Variants in DENND1B observed in about 807,000 individuals in gnomAD.
The protein encoded by DENND1B is DENN domain containing 1B, also known as DENN domain-containing protein 1B.
DENND1B carries 59 observed loss-of-function variants against 90.1 expected under a neutral mutation model. The observed-to-expected ratio is 0.65, with a 90% CI of 0.53 to 0.81. The LOEUF is 0.81. DENND1B is among the 40% of genes least tolerant of loss of function. DENND1B has a pLI of 0.00. For missense variants in DENND1B, 862 were observed against 912.6 expected (o/e 0.94, Z 0.71); for synonymous variants, 337 against 324.6 (o/e 1.04, Z -0.41).
At chr1:197,539,592 A>G (rs1670178500) in intron 20 of DENND1B, among the ~76,000 whole-genome samples, 1 of 152,232 alleles carries the variant, frequency 6.6e-6, no homozygotes, top group Non-Finnish European at 1.5e-5. Context: ...ATTTCTATAG[A>G]CTATTTTAAT....
intron 15 of DENND1B, among the ~76,000 whole-genome samples, chr1:197,563,178 T>C (rs191727261): frequency 5.3e-5 from 8 of 152,112 alleles, no homozygotes; most frequent in Non-Finnish European, 4.4e-5. Flanking sequence ...AGATTATTGA[T>C]GAAAGTGGCT....
chr1:197,754,659 CAAAAAAAAAAAAAA>C (rs57926782), intron 2 of DENND1B, among the ~76,000 whole-genome samples: 4 of 72,880 alleles, frequency 5.5e-5, no homozygotes, highest in Middle Eastern at 0.023. Flanking sequence ...GACTCTGTCT[CAAAAAAAAAAAAAA>C]AAAAAAAAAA....
chr1:197,567,051 G>T (rs1294291225), intron 15 of DENND1B, among the ~76,000 whole-genome samples: 1 of 151,872 alleles, frequency 6.6e-6, no homozygotes, highest in Non-Finnish European at 1.5e-5. Context: ...AAACTAGAAA[G>T]GCAATAGAAA....
intron 20 of DENND1B, among the ~76,000 whole-genome samples, chr1:197,516,560 A>G (rs1017916174): frequency 6.6e-6 from 1 of 151,806 alleles, no homozygotes; most frequent in Non-Finnish European, 1.5e-5. Context: ...TCTGAAGCAC[A>G]GTGCTTTCAG....
chr1:197,658,324 A>G lies in DENND1B; in HGVS notation c.342T>C (p.Leu114=). 2 of 1,610,850 alleles carry G rather than the reference A, an allele frequency of 1.2e-6. No individual in the cohort carries two copies. Among genetic ancestry groups the G allele is most frequent in the Non-Finnish European group, 1.7e-6 (2 of 1,178,166 alleles). The change falls in exon 6 of 23, where the codon CTT becomes CTC. Residue 114 remains leucine, a synonymous_variant. Coordinates refer to ENST00000620048, the MANE Select transcript of DENND1B (RefSeq NM_001195215.2). ...CCAGTTCCTTAGCCAAGTAATCTGC[A>G]AGAGTATTTAGAAGCTTGTAATACA... ...FEVYYKLLNT[L]ADYLAKELEN...
At chr1:197,634,606 T>C (rs1679611835) in intron 10 of DENND1B, among the ~76,000 whole-genome samples, 1 of 152,166 alleles carries the variant, frequency 6.6e-6, no homozygotes, top group Non-Finnish European at 1.5e-5. Flanking sequence ...CCTAAGGCAT[T>C]ACTGTTTTGG....
At chr1:197,613,420 C>A (rs978640089) in intron 11 of DENND1B, among the ~76,000 whole-genome samples, 4 of 150,350 alleles carry the variant, frequency 2.7e-5, no homozygotes, top group Non-Finnish European at 6.0e-5. Context: ...TTTGTTCCTT[C>A]CTATTTTTTT....
chr1:197,741,805 C>T (rs1302838733), intron 2 of DENND1B, among the ~76,000 whole-genome samples: 2 of 152,036 alleles, frequency 1.3e-5, no homozygotes, highest in Non-Finnish European at 1.5e-5. Flanking sequence ...AACGTGGCAA[C>T]CCACACCTAT....
At position 197,671,984 on chromosome 1, in the gene DENND1B, T is replaced by A. The variant is rs77996523; in HGVS notation, c.296+53A>T. The stretch of plus-strand genomic sequence containing the variant: ...TCATCCCAAGCATAACAAAGTACAA[T>A]AGAGAGATAGTTACCTATTTTGCAT... On this transcript the variant is annotated intron_variant, in intron 5 of 22. Transcript: ENST00000620048. 4.6e-3 allele frequency: 7,269 copies of A among 1,573,028 alleles called. 268 individuals are homozygous for A. In the African/African-American group the frequency reaches 0.083, roughly 18 times the overall value.
chr1:197,577,668 G>C (rs1452489596), intron 15 of DENND1B, among the ~76,000 whole-genome samples: 1 of 152,180 alleles, frequency 6.6e-6, no homozygotes, highest in Non-Finnish European at 1.5e-5. Flanking sequence ...AATGGCTTAA[G>C]TCTTTGTAAA....
intron 13 of DENND1B, chr1:197,605,530 A>G (rs1213957331): frequency 6.6e-6 from 1 of 151,018 alleles, no homozygotes; most frequent in African/African-American, 2.4e-5. Flanking sequence ...TAAGGCATTA[A>G]CGGTAGGAAG....
intron 18 of DENND1B, among the ~76,000 whole-genome samples, chr1:197,545,350 A>G (rs1013290285): frequency 2.0e-4 from 31 of 152,054 alleles, no homozygotes; most frequent in African/African-American, 7.0e-4. Context: ...GGTTACAGTG[A>G]GCCGAGATCG....
intron 10 of DENND1B, 97 bp from the exon 11 acceptor site, chr1:197,617,856 C>T (rs1003772524): frequency 1.3e-6 from 1 of 793,152 alleles, no homozygotes. Context: ...AATCACAGAA[C>T]AATTTACATA....
chr1:197,751,529 T>C (rs1249158822), intron 2 of DENND1B, among the ~76,000 whole-genome samples: 1 of 151,754 alleles, frequency 6.6e-6, no homozygotes, highest in East Asian at 1.9e-4. Flanking sequence ...CTAGAAAAAA[T>C]TAAATCCAAA....
chr1:197,538,174 C>T (rs939756476), intron 20 of DENND1B, among the ~76,000 whole-genome samples: 10 of 152,068 alleles, frequency 6.6e-5, no homozygotes, highest in East Asian at 1.9e-4. Flanking sequence ...ATCTCATATT[C>T]GTTTTCACAG....
intron 5 of DENND1B, among the ~76,000 whole-genome samples, chr1:197,662,113 C>T (rs1229821680): frequency 1.3e-5 from 2 of 152,114 alleles, no homozygotes; most frequent in Non-Finnish European, 2.9e-5. Context: ...ATGACTTCAT[C>T]TATAAATTAA....
At chr1:197,682,579 T>C (rs1262126612) in intron 3 of DENND1B, among the ~76,000 whole-genome samples, 6 of 151,914 alleles carry the variant, frequency 3.9e-5, no homozygotes, top group Non-Finnish European at 7.4e-5. Context: ...AATTGAAAAA[T>C]AGTAGGGACT....
chr1:197,726,525 A>G (rs779167865), intron 2 of DENND1B, among the ~76,000 whole-genome samples: 20 of 152,334 alleles, frequency 1.3e-4, no homozygotes, highest in Non-Finnish European at 2.1e-4. Context: ...AGCACCCACC[A>G]AAGTCAGAAG....
chr1:197,770,698 ATCTAT>A (rs1247078913), intron 2 of DENND1B, among the ~76,000 whole-genome samples: 1 of 143,566 alleles, frequency 7.0e-6, no homozygotes, highest in African/African-American at 2.5e-5. Flanking sequence ...ATAAATATAT[ATCTAT>A]AAATATATAA....
Sources: gnomAD v4.1 joint callset for allele counts (sites outside exome capture counted in the v4.1 genomes callset) on GRCh38, gnomAD v4.1.1 for gene constraint, MANE v1.5 for transcripts, NCBI Gene and HGNC (gene_info 2026-07-23, HGNC 2026-07-21) for gene names.